Variants in SND1 observed in about 807,000 individuals in gnomAD.
SND1 encodes staphylococcal nuclease domain-containing protein 1.
SND1 carries 38 observed loss-of-function variants against 121.7 expected under a neutral mutation model. That is an observed-to-expected ratio of 0.31 (90% confidence interval 0.24 to 0.41). The LOEUF is 0.41. SND1 is among the 10% of genes least tolerant of loss of function. The pLI, the probability that SND1 is intolerant of heterozygous loss-of-function variation, is 1.00. For missense variants in SND1, 868 were observed against 1,184.6 expected, an observed-to-expected ratio of 0.73 and a Z score of 3.92; for synonymous variants, 401 against 447.4, an observed-to-expected ratio of 0.90 and a Z score of 1.31.
At chr7:128,074,430 CCT>C in intron 16 of SND1, 70 bp from the exon 17 acceptor site, 1 of 1,471,384 alleles carries the variant, frequency 6.8e-7, no homozygotes, top group Non-Finnish European at 9.2e-7. Flanking sequence ...GCGCTGCTGT[CCT>C]CCCCACGGGC....
intron 12 of SND1, chr7:127,858,470 C>T (rs934976680): frequency 2.3e-5 from 14 of 616,664 alleles, no homozygotes; most frequent in African/African-American, 1.3e-4. Flanking sequence ...TGAGGCCTGG[C>T]GTGGGGTCTC....
At chr7:127,691,931 G>A (rs1271722931) in intron 2 of SND1, among the ~76,000 whole-genome samples, 4 of 151,908 alleles carry the variant, frequency 2.6e-5, no homozygotes, top group African/African-American at 9.7e-5. Flanking sequence ...CCAAAGTGCT[G>A]GGATTACAGG....
At chr7:127,665,434 A>G (rs1437107294) in intron 1 of SND1, among the ~76,000 whole-genome samples, 2 of 151,990 alleles carry the variant, frequency 1.3e-5, no homozygotes, top group South Asian at 2.1e-4. Flanking sequence ...TGATCTGCCC[A>G]CCTTGGCCTC....
At chr7:127,693,981 G>A (rs1385176434) in intron 2 of SND1, among the ~76,000 whole-genome samples, 1 of 152,130 alleles carries the variant, frequency 6.6e-6, no homozygotes, top group Non-Finnish European at 1.5e-5. Context: ...GAGATGACAT[G>A]GAGACTCTGC....
chr7:127,748,990 T>G (rs1235378127), intron 10 of SND1, among the ~76,000 whole-genome samples: 1 of 151,770 alleles, frequency 6.6e-6, no homozygotes, highest in African/African-American at 2.4e-5. Context: ...CAGAATTATC[T>G]GTGTAGGAGG....
intron 1 of SND1, among the ~76,000 whole-genome samples, chr7:127,672,653 A>G (rs188224382): frequency 6.6e-6 from 1 of 152,202 alleles, no homozygotes. Context: ...CATGGATACA[A>G]TACTGCCATC....
intron 15 of SND1, among the ~76,000 whole-genome samples, chr7:127,943,476 T>G (rs892637130): frequency 1.3e-5 from 2 of 152,254 alleles, no homozygotes; most frequent in Non-Finnish European, 2.9e-5. Flanking sequence ...GTCCATTGTT[T>G]GCTGTGCCCT....
intron 14 of SND1, among the ~76,000 whole-genome samples, chr7:127,913,634 T>C (rs1314885048): frequency 6.6e-6 from 1 of 152,180 alleles, no homozygotes; most frequent in Non-Finnish European, 1.5e-5. Context: ...ACAGGGATGA[T>C]TGTAAGTATA....
intron 10 of SND1, among the ~76,000 whole-genome samples, chr7:127,799,725 C>T (rs1014877895): frequency 6.6e-6 from 1 of 152,176 alleles, no homozygotes; most frequent in African/African-American, 2.4e-5. Context: ...GAATTTGGCA[C>T]TTGCTCAGAT....
intron 12 of SND1, chr7:127,857,892 A>G: frequency 7.3e-7 from 1 of 1,371,558 alleles, no homozygotes; most frequent in South Asian, 1.2e-5. Flanking sequence ...TGTAGAACTG[A>G]CCACGAAGGG....
At position 127,954,051 on chromosome 7, in the gene SND1, G is replaced by A. The variant is rs547981183; in HGVS notation, c.1669+24722G>A. 3.6e-4 allele frequency among the ~76,000 whole-genome samples: 55 copies of A among 152,192 alleles called. 1 individual carries two copies. Among genetic ancestry groups the A allele is most frequent in the African/African-American group, 2.4e-5 (1 of 41,432 alleles). On this transcript the variant is annotated intron_variant, in intron 15 of 23. Transcript: ENST00000354725. Reference sequence around the variant, plus strand: ...TTGCTATCTTACAAGCTCCTCGTGGGATTGTGGGCAAAGATGGACCTGCTG... The same window carrying A: ...TTGCTATCTTACAAGCTCCTCGTGGAATTGTGGGCAAAGATGGACCTGCTG...
rs149132555 is a variant in SND1 at position 127,810,354 on chromosome 7, G to T, written c.1242+2781G>T. 3.3e-5 allele frequency among the ~76,000 whole-genome samples: 5 copies of T among 152,248 alleles called. No individual in the cohort carries two copies. In the East Asian group the frequency reaches 9.7e-4, roughly 29 times the overall value. ...TGAGAGAGTGGTAGAAGAATACTGT[G>T]TGTATCCTTGAAGCATTTTGGAAAC... On this transcript the variant is annotated intron_variant, in intron 11 of 23. Transcript: ENST00000354725.
intron 12 of SND1, chr7:127,857,857 A>C: frequency 8.1e-7 from 1 of 1,235,194 alleles, no homozygotes; most frequent in Non-Finnish European, 1.2e-6. Context: ...TCAGGTGTAG[A>C]GGTCAAAGTC....
chr7:128,030,587 C>G, intron 16 of SND1: 2 of 1,600,442 alleles, frequency 1.2e-6, no homozygotes, highest in Admixed American at 1.7e-5. Flanking sequence ...CGAACGGGAG[C>G]AGGATGGCAT....
intron 16 of SND1, among the ~76,000 whole-genome samples, chr7:128,012,891 C>T (rs1803145484): frequency 1.3e-5 from 2 of 152,286 alleles, no homozygotes; most frequent in South Asian, 4.1e-4. Context: ...GCAGAGGAAG[C>T]GTTATGGACT....
At chr7:127,911,271 C>T (rs1800446855) in intron 14 of SND1, among the ~76,000 whole-genome samples, 1 of 152,246 alleles carries the variant, frequency 6.6e-6, no homozygotes, top group Non-Finnish European at 1.5e-5. Flanking sequence ...CACACAACCT[C>T]TGATGCCAAA....
chr7:128,024,646 A>G (rs1405596773), intron 16 of SND1, among the ~76,000 whole-genome samples: 70 of 152,242 alleles, frequency 4.6e-4, no homozygotes, highest in Admixed American at 4.6e-3. Flanking sequence ...TGCTGGCCTC[A>G]ATACATGTTA....
chr7:127,710,474 T>C (rs1030359649), intron 9 of SND1, among the ~76,000 whole-genome samples: 16 of 151,888 alleles, frequency 1.1e-4, no homozygotes, highest in African/African-American at 3.9e-4. Context: ...GTCAGCAATG[T>C]TCTTAGTGAT....
At chr7:128,008,774 G>A (rs958085782) in intron 16 of SND1, among the ~76,000 whole-genome samples, 1 of 152,198 alleles carries the variant, frequency 6.6e-6, no homozygotes. Context: ...TACCCTTCTT[G>A]TTAGCAGTGA....
Sources: gnomAD v4.1 joint callset for allele counts (sites outside exome capture counted in the v4.1 genomes callset) on GRCh38, gnomAD v4.1.1 for gene constraint, MANE v1.5 for transcripts, NCBI Gene and HGNC (gene_info 2026-07-23, HGNC 2026-07-21) for gene names.